Variants in MAK observed in about 807,000 individuals in gnomAD.
MAK encodes the protein male germ cell associated kinase, also known as serine/threonine-protein kinase MAK.
In MAK, 65 loss-of-function variants were observed where a neutral mutation model predicts 82.6. The ratio of observed to expected loss-of-function variants is 0.79; its 90% confidence interval spans 0.64 to 0.97. The LOEUF (loss-of-function observed/expected upper bound fraction) is 0.97, where lower values mean the gene tolerates loss of function less well. MAK is among the 50% of genes least tolerant of loss of function. MAK has a pLI of 0.00. For missense variants in MAK, 703 were observed against 780.2 expected, an observed-to-expected ratio of 0.90 and a Z score of 1.18; for synonymous variants, 250 against 274.2, an observed-to-expected ratio of 0.91 and a Z score of 0.87.
At position 10,773,020 on chromosome 6, in the gene MAK, C is replaced by T. The variant is rs768259452; in HGVS notation, c.1672+14G>A. On this transcript the variant is annotated intron_variant, in intron 13 of 14. Transcript: ENST00000354489. Reference sequence around the variant, plus strand: ...CAAAGAACAAACTGCATTCATCTGACGCCCAGAAATTACCTTGTGGGTCCT... The same window carrying T: ...CAAAGAACAAACTGCATTCATCTGATGCCCAGAAATTACCTTGTGGGTCCT... 169 of 1,501,794 alleles carry T rather than the reference C, an allele frequency of 1.1e-4. No individual in the cohort carries two copies. Among genetic ancestry groups the T allele is most frequent in the Non-Finnish European group, 1.3e-4 (150 of 1,116,088 alleles). 93.0% of individuals were successfully genotyped at this position (1,501,794 alleles called of 1,614,324 possible).
chr6:10,819,680 A>G (rs573981415), intron 2 of MAK, among the ~76,000 whole-genome samples: 1 of 152,262 alleles, frequency 6.6e-6, no homozygotes, highest in South Asian at 2.1e-4. Context: ...GTTGGTTTCT[A>G]TTAGAGATAA....
At chr6:10,801,023 C>T (rs1360025582) in intron 8 of MAK, among the ~76,000 whole-genome samples, 1 of 146,216 alleles carries the variant, frequency 6.8e-6, no homozygotes, top group East Asian at 1.9e-4. Flanking sequence ...CTGCAACATT[C>T]AGCTATTTGT....
chr6:10,822,063 C>T (rs9467642), intron 2 of MAK, among the ~76,000 whole-genome samples: 2,899 of 144,358 alleles, frequency 0.02, 77 homozygotes, highest in African/African-American at 0.069. Context: ...AGGAGAATGG[C>T]GTGAACTCGG....
At chr6:10,765,373 A>G (rs1263135351) in intron 14 of MAK, among the ~76,000 whole-genome samples, 3 of 151,948 alleles carry the variant, frequency 2.0e-5, no homozygotes, top group African/African-American at 4.8e-5. Context: ...GGCTTCATGG[A>G]AGAACACACA....
chr6:10,802,163 A>G (rs1218201583), intron 7 of MAK, 104 bp from the exon 8 acceptor site: 48 of 848,466 alleles, frequency 5.7e-5, no homozygotes, highest in Non-Finnish European at 8.6e-5. Context: ...TTATGTTTGA[A>G]CATTTTCATG....
In MAK at chr6:10,802,709, A is replaced by T. The variant is rs568769591; in HGVS notation, c.664-650T>A. 6.3e-4 allele frequency among the ~76,000 whole-genome samples: 96 copies of T among 152,326 alleles called. 2 individuals are homozygous for T. Among genetic ancestry groups the T allele is most frequent in the African/African-American group, 8.9e-4 (37 of 41,578 alleles). ...AACAAATAAGGAAAAGTGCTTTACA[A>T]AGAGGCTGACTGTGAACAAAGATCC... On this transcript the variant is annotated intron_variant, in intron 7 of 14. Coordinates refer to ENST00000354489, the MANE Select transcript of MAK (RefSeq NM_001242957.3).
At chr6:10,766,671 T>G (rs1320323291) in intron 14 of MAK, among the ~76,000 whole-genome samples, 3 of 151,870 alleles carry the variant, frequency 2.0e-5, no homozygotes, top group African/African-American at 7.3e-5. Flanking sequence ...GTAGCAGGGG[T>G]AGAAGAGACA....
intron 6 of MAK, among the ~76,000 whole-genome samples, chr6:10,807,257 A>C (rs1776547672): frequency 7.1e-6 from 1 of 141,574 alleles, no homozygotes; most frequent in African/African-American, 2.6e-5. Context: ...TTCTCTCCCC[A>C]TCTCCCCCAA....
At chr6:10,783,840 G>GA (rs1191762476) in intron 11 of MAK, among the ~76,000 whole-genome samples, 7 of 152,140 alleles carry the variant, frequency 4.6e-5, no homozygotes, top group Admixed American at 4.6e-4. Context: ...CTAACACGGT[G>GA]AAACACCATC....
intron 8 of MAK, among the ~76,000 whole-genome samples, chr6:10,796,869 T>G (rs1464519333): frequency 6.6e-6 from 1 of 151,694 alleles, no homozygotes; most frequent in Non-Finnish European, 1.5e-5. Flanking sequence ...TTATAACATC[T>G]AAGCAAAACA....
rs553756937 is a variant in MAK at position 10,805,699 on chromosome 6, C to A, written c.492-1808G>T. On this transcript the variant is annotated intron_variant, in intron 6 of 14. Transcript: ENST00000354489. ...GTTGTTTCACTTAAAGTGAAACTTTCCAAGAACCTACTGATGATGTTAAGT... is the reference window on the plus strand; with the variant it reads ...GTTGTTTCACTTAAAGTGAAACTTTACAAGAACCTACTGATGATGTTAAGT... 2.6e-3 allele frequency among the ~76,000 whole-genome samples: 389 copies of A among 152,202 alleles called. 1 individual carries two copies. The highest frequency in any genetic ancestry group is 4.2e-3 in the Non-Finnish European group (285 of 68,012).
chr6:10,802,740 G>A (rs185732401), intron 7 of MAK, among the ~76,000 whole-genome samples: 3 of 152,258 alleles, frequency 2.0e-5, no homozygotes, highest in East Asian at 1.9e-4. Context: ...GATCCTTGTC[G>A]TGTATATTAC....
At chr6:10,782,766 C>T (rs902659212) in intron 11 of MAK, among the ~76,000 whole-genome samples, 30 of 151,920 alleles carry the variant, frequency 2.0e-4, no homozygotes, top group Admixed American at 7.2e-4. Flanking sequence ...TTAGTAGAGA[C>T]GGGGTTTCAC....
chr6:10,790,626 A>G (rs1004438236), intron 10 of MAK, among the ~76,000 whole-genome samples: 1 of 152,216 alleles, frequency 6.6e-6, no homozygotes, highest in African/African-American at 2.4e-5. Flanking sequence ...CCATCAGAAG[A>G]AGCTGTTAAC....
In MAK at chr6:10,764,633, G is replaced by A. The variant is rs140779141; in HGVS notation, c.1793-27C>T. ...TGAAAGAAATCAGATTTGGAAAACA[G>A]GGTTTTACTCATTTGCTTATCAAAC... On this transcript the variant is annotated intron_variant, in intron 14 of 14. Transcript: ENST00000354489. The A allele has an allele frequency of 8.5e-5, 137 of 1,605,628 alleles. No homozygotes were observed. The East Asian group carries it at 2.7e-3, about 31-fold the overall frequency.
At chr6:10,812,652 G>C (rs1466302724) in intron 5 of MAK, among the ~76,000 whole-genome samples, 4 of 151,686 alleles carry the variant, frequency 2.6e-5, no homozygotes, top group Non-Finnish European at 5.9e-5. Flanking sequence ...GATAAAATTA[G>C]GGAGAATGAG....
rs989695778 is a variant in MAK at position 10,793,638 on chromosome 6, C to A, written c.1144-1791G>T. ...AATTTTAGTTAACACAGTACTTAAT[C>A]CCAGCTCTGGAACTCACCTATATAA... On this transcript the variant is annotated intron_variant, in intron 9 of 14. Coordinates refer to ENST00000354489, the MANE Select transcript of MAK (RefSeq NM_001242957.3). The surrounding 1 kb of genome is among the most constrained non-coding windows in gnomAD (Gnocchi z 4.6). 6.6e-6 allele frequency among the ~76,000 whole-genome samples: 1 copy of A among 152,112 alleles called. No homozygotes were observed. Among genetic ancestry groups the A allele is most frequent in the African/African-American group, 2.4e-5 (1 of 41,398 alleles).
chr6:10,765,440 A>AT (rs200536068), intron 14 of MAK, among the ~76,000 whole-genome samples: 1,322 of 129,888 alleles, frequency 0.01, 33 homozygotes, highest in African/African-American at 0.025. Flanking sequence ...TAGAATGAAG[A>AT]TTTTTTTTTT....
intron 4 of MAK, among the ~76,000 whole-genome samples, chr6:10,813,947 T>C (rs948527412): frequency 1.4e-5 from 2 of 147,412 alleles, no homozygotes; most frequent in African/African-American, 5.1e-5. Flanking sequence ...ACTGAATATA[T>C]TGCACACATA....
Sources: gnomAD v4.1 joint callset for allele counts (sites outside exome capture counted in the v4.1 genomes callset) on GRCh38, gnomAD v4.1.1 for gene constraint, Gnocchi (gnomAD v3.1) non-coding constraint, MANE v1.5 for transcripts, NCBI Gene and HGNC (gene_info 2026-07-23, HGNC 2026-07-21) for gene names.